The following SLC24A2 variants were observed in gnomAD, a reference collection of about 807,000 sequenced individuals.
The protein encoded by SLC24A2 is solute carrier family 24 member 2, also known as sodium/potassium/calcium exchanger 2.
SLC24A2 carries 36 observed loss-of-function variants against 62.0 expected under a neutral mutation model. The observed-to-expected ratio is 0.58, with a 90% confidence interval of 0.44 to 0.77. The LOEUF (loss-of-function observed/expected upper bound fraction) is 0.77, where lower values mean the gene tolerates loss of function less well. SLC24A2 is among the 30% of genes least tolerant of loss of function. SLC24A2 has a pLI of 0.00. For missense variants in SLC24A2, 846 were observed against 817.9 expected (o/e 1.03, Z -0.42); for synonymous variants, 358 against 294.0 (o/e 1.22, Z -2.23).
chr9:19,904,487 T>C, the SLC24A2 span, among the ~76,000 whole-genome samples: 44 of 152,318 alleles, frequency 2.9e-4, no homozygotes, highest in African/African-American at 9.9e-4. Context: ...GGACAAAAAC[T>C]GGTCCCTAGA....
chr9:19,889,824 C>G, the SLC24A2 span, among the ~76,000 whole-genome samples: 3 of 152,166 alleles, frequency 2.0e-5, no homozygotes, highest in East Asian at 3.8e-4. Flanking sequence ...TCCACGTGGA[C>G]CATTTACACT....
At chr9:20,156,910 C>T in the SLC24A2 span, among the ~76,000 whole-genome samples, 7 of 151,690 alleles carry the variant, frequency 4.6e-5, no homozygotes, top group African/African-American at 1.7e-4. Flanking sequence ...GGAAGGAGAT[C>T]CTTCTGTTCA....
At chr9:20,266,377 C>T in the SLC24A2 span, among the ~76,000 whole-genome samples, 2 of 152,154 alleles carry the variant, frequency 1.3e-5, no homozygotes, top group Non-Finnish European at 2.9e-5. Context: ...AAAGAACCTA[C>T]ATGACTGTCG....
chr9:19,889,646 A>C, the SLC24A2 span, among the ~76,000 whole-genome samples: 1 of 152,116 alleles, frequency 6.6e-6, no homozygotes, highest in African/African-American at 2.4e-5. Context: ...TTAACATTTT[A>C]TCCCTTCTTG....
the SLC24A2 span, among the ~76,000 whole-genome samples, chr9:20,041,278 T>G: frequency 1.3e-5 from 2 of 152,240 alleles, no homozygotes; most frequent in South Asian, 4.1e-4. Context: ...TCCAGTGTAA[T>G]CTATGCACAT....
the SLC24A2 span, among the ~76,000 whole-genome samples, chr9:20,039,023 T>C: frequency 3.2e-3 from 480 of 152,190 alleles, 4 homozygotes; most frequent in Non-Finnish European, 3.5e-3. Context: ...GTCACAGAAG[T>C]AATGGACTAA....
chr9:19,768,973 C>G (rs1274543042), intron 2 of SLC24A2, among the ~76,000 whole-genome samples: 1 of 151,944 alleles, frequency 6.6e-6, no homozygotes, highest in African/African-American at 2.4e-5. Flanking sequence ...TTATTCCATC[C>G]CATGGCTTTA....
chr9:19,804,734 C>T, the SLC24A2 span, among the ~76,000 whole-genome samples: 1 of 152,118 alleles, frequency 6.6e-6, no homozygotes, highest in Non-Finnish European at 1.5e-5. Context: ...ATTCAATCTT[C>T]CACCATTAAG....
the SLC24A2 span, among the ~76,000 whole-genome samples, chr9:20,088,391 C>A: frequency 1.3e-5 from 2 of 152,190 alleles, no homozygotes; most frequent in Non-Finnish European, 2.9e-5. Flanking sequence ...CAACTAGGGA[C>A]TGGAGCAGTC....
intron 2 of SLC24A2, among the ~76,000 whole-genome samples, chr9:19,664,957 G>C (rs777189335): frequency 6.6e-6 from 1 of 152,124 alleles, no homozygotes; most frequent in African/African-American, 2.4e-5. Flanking sequence ...TAAACTGCCC[G>C]TTTGTGGTAG....
At chr9:20,072,936 A>T in the SLC24A2 span, among the ~76,000 whole-genome samples, 11 of 152,192 alleles carry the variant, frequency 7.2e-5, no homozygotes, top group Admixed American at 1.3e-4. Context: ...GTTTTAAGCC[A>T]CTAAGTTTGT....
chr9:19,951,480 TAC>T, the SLC24A2 span, among the ~76,000 whole-genome samples: 1 of 152,164 alleles, frequency 6.6e-6, no homozygotes, highest in Non-Finnish European at 1.5e-5. Context: ...CTAGAATATT[TAC>T]AGTTTTAGTT....
chr9:19,573,555 A>AC, intron 6 of SLC24A2, 86 bp from the exon 7 acceptor site: 1 of 841,052 alleles, frequency 1.2e-6, no homozygotes, highest in Non-Finnish European at 2.0e-6. Context: ...GAGAGAGAGA[A>AC]AGCAAATGGA....
intron 2 of SLC24A2, among the ~76,000 whole-genome samples, chr9:19,636,330 T>TCC (rs1554690408): frequency 1.7e-4 from 5 of 30,234 alleles, no homozygotes; most frequent in African/African-American, 5.6e-4. Context: ...TTTCTTTCTT[T>TCC]CTTTCTTTCT....
At chr9:20,094,826 T>C in the SLC24A2 span, among the ~76,000 whole-genome samples, 1 of 152,168 alleles carries the variant, frequency 6.6e-6, no homozygotes, top group African/African-American at 2.4e-5. Flanking sequence ...TAGGTAAAGA[T>C]CTATTTGAAA....
chr9:20,170,817 G>A, the SLC24A2 span, among the ~76,000 whole-genome samples: 1 of 152,136 alleles, frequency 6.6e-6, no homozygotes, highest in Non-Finnish European at 1.5e-5. Context: ...AGGAAAACTT[G>A]CCTGGCCTTG....
the SLC24A2 span, among the ~76,000 whole-genome samples, chr9:20,164,296 A>G: frequency 1.3e-5 from 2 of 151,956 alleles, no homozygotes; most frequent in African/African-American, 4.8e-5. Flanking sequence ...GAAAAAAACA[A>G]ACAACCCCAT....
chr9:19,726,094 A>G (rs1426551053), intron 2 of SLC24A2, among the ~76,000 whole-genome samples: 1 of 152,300 alleles, frequency 6.6e-6, no homozygotes, highest in East Asian at 1.9e-4. Context: ...TGAAGAATGA[A>G]AGCGGAGTCA....
chr9:19,736,793 A>G (rs1254719011), intron 2 of SLC24A2, among the ~76,000 whole-genome samples: 1 of 152,230 alleles, frequency 6.6e-6, no homozygotes, highest in South Asian at 2.1e-4. Context: ...TTAAAATTAT[A>G]GTAAGCTATG....
Sources: allele counts gnomAD v4.1 joint callset (sites outside exome capture counted in the v4.1 genomes callset), GRCh38; gene constraint gnomAD v4.1.1; transcripts MANE v1.5; gene names NCBI Gene and HGNC (gene_info 2026-07-23, HGNC 2026-07-21).